RAD51B: variants seen among roughly 807,000 people sequenced by gnomAD.
RAD51B encodes DNA repair protein RAD51 homolog 2.
Under a neutral mutation model 42.2 loss-of-function variants are expected in RAD51B, and 38 were observed. The observed-to-expected ratio is 0.90, with a 90% CI of 0.70 to 1.18. The LOEUF (loss-of-function observed/expected upper bound fraction) is 1.18, where lower values mean the gene tolerates loss of function less well. Ranked by LOEUF, RAD51B falls within the 50% of genes most tolerant of loss-of-function variation. RAD51B has a pLI of 0.00. For synonymous variants in RAD51B, 154 were observed against 145.2 expected, an observed-to-expected ratio of 1.06 and a Z score of -0.43; for missense variants, 373 against 400.7, an observed-to-expected ratio of 0.93 and a Z score of 0.59.
chr14:68,154,725 G>C (rs2078464544), intron 7 of RAD51B, among the ~76,000 whole-genome samples: 1 of 149,902 alleles, frequency 6.7e-6, no homozygotes, highest in Non-Finnish European at 1.5e-5. Context: ...TCTCTTACCA[G>C]ATGTCCAGTG....
intron 8 of RAD51B, among the ~76,000 whole-genome samples, chr14:68,393,296 C>T (rs1018410865): frequency 1.3e-5 from 2 of 152,116 alleles, no homozygotes; most frequent in African/African-American, 2.4e-5. Context: ...ATAGGTATTC[C>T]GCTTCTCCAG....
At chr14:68,032,041 C>G (rs1294575556) in intron 7 of RAD51B, among the ~76,000 whole-genome samples, 3 of 83,912 alleles carry the variant, frequency 3.6e-5, no homozygotes, top group Non-Finnish European at 6.7e-5. Context: ...GGCTTTGTGT[C>G]TGATTTGACT....
intron 4 of RAD51B, among the ~76,000 whole-genome samples, chr14:67,857,360 T>C (rs1171188465): frequency 6.6e-6 from 1 of 152,214 alleles, no homozygotes; most frequent in African/African-American, 2.4e-5. Context: ...TCTCTTACTG[T>C]TATTCACATG....
In RAD51B at chr14:68,161,762, A is replaced by C. The variant is rs1451441849; in HGVS notation, c.757-130122A>C. 5.9e-5 allele frequency among the ~76,000 whole-genome samples: 9 copies of C among 152,334 alleles called. No homozygotes were observed. The East Asian group carries it at 1.5e-3, about 26-fold the overall frequency. ...CCAAATCTGCCTAAATCTAAAGCCCATCTCTTTTCTCCACACCTTGTATCC... is the reference window on the plus strand; with the variant it reads ...CCAAATCTGCCTAAATCTAAAGCCCCTCTCTTTTCTCCACACCTTGTATCC... On this transcript the variant is annotated intron_variant, in intron 7 of 10. Coordinates refer to ENST00000471583, the MANE Select transcript of RAD51B (RefSeq NM_133510.4).
At chr14:68,674,420 A>G (rs1274372813) in intron 11 of RAD51B, among the ~76,000 whole-genome samples, 1 of 152,144 alleles carries the variant, frequency 6.6e-6, no homozygotes, top group Admixed American at 6.5e-5. Flanking sequence ...TATCATACAT[A>G]TTATATGTTA....
intron 7 of RAD51B, among the ~76,000 whole-genome samples, chr14:68,269,329 T>A (rs1230048874): frequency 6.6e-6 from 1 of 152,198 alleles, no homozygotes; most frequent in African/African-American, 2.4e-5. Flanking sequence ...GGTGCCAGCC[T>A]CCAAGGCACT....
intron 7 of RAD51B, among the ~76,000 whole-genome samples, chr14:68,083,438 T>C (rs1358861800): frequency 6.6e-6 from 1 of 152,150 alleles, no homozygotes; most frequent in African/African-American, 2.4e-5. Flanking sequence ...AAAAGGAATA[T>C]TGTCACAGCA....
chr14:68,457,954 T>C (rs894422503), intron 9 of RAD51B, among the ~76,000 whole-genome samples: 9 of 142,692 alleles, frequency 6.3e-5, no homozygotes, highest in Non-Finnish European at 1.2e-4. Context: ...TAAAGTTCAC[T>C]GAAAAAAAAA....
chr14:67,927,754 G>GTATATATATAATATA (rs1477321804), intron 7 of RAD51B, among the ~76,000 whole-genome samples: 1 of 145,592 alleles, frequency 6.9e-6, no homozygotes, highest in East Asian at 1.9e-4. Flanking sequence ...TTCATTGTGT[G>GTATATATATAATATA]TGTGTATATA....
rs1348845731 is a variant in RAD51B at position 67,953,071 on chromosome 14, AGAGAACT to A, written c.756+65868_756+65874del. Among the ~76,000 whole-genome samples the A allele has an allele frequency of 2.0e-5, 3 of 152,158 alleles. No homozygotes were observed. The East Asian group carries it at 5.8e-4, about 29-fold the overall frequency. On this transcript the variant is annotated intron_variant, in intron 7 of 10. Coordinates refer to ENST00000471583, the MANE Select transcript of RAD51B (RefSeq NM_133510.4). ...CAAAATGGATATTACTTCTGTCCTC[AGAGAACT>A]TATCTAGGAAGAGGTAGAATATAAA...
rs544933848 is a variant in RAD51B, at chr14:68,355,251, A to G, written c.854-56173A>G. ...ACTCTTTGAGTTTCATAAAGAAAAC[A>G]TTAATACAAATTTTATTGAGTGGTA... On this transcript the variant is annotated intron_variant, in intron 8 of 10. Transcript: ENST00000471583. Among the ~76,000 whole-genome samples the G allele has an allele frequency of 5.2e-3, 796 of 152,348 alleles. 9 individuals are homozygous for G. The highest frequency in any genetic ancestry group is 0.018 in the African/African-American group (751 of 41,574).
At chr14:68,359,503 G>A (rs1184338790) in intron 8 of RAD51B, among the ~76,000 whole-genome samples, 1 of 152,134 alleles carries the variant, frequency 6.6e-6, no homozygotes, top group Non-Finnish European at 1.5e-5. Context: ...TTGCTTCGAG[G>A]TAGTGAGTGG....
At chr14:68,413,947 A>G (rs1340307984) in intron 9 of RAD51B, among the ~76,000 whole-genome samples, 1 of 152,002 alleles carries the variant, frequency 6.6e-6, no homozygotes, top group African/African-American at 2.4e-5. Context: ...TTTTTTTTCC[A>G]ATGCCCAAGC....
chr14:68,179,837 C>A (rs2079028199), intron 7 of RAD51B, among the ~76,000 whole-genome samples: 1 of 152,128 alleles, frequency 6.6e-6, no homozygotes, highest in Admixed American at 6.5e-5. Flanking sequence ...TTCAGGGCAT[C>A]ACACCATAGG....
chr14:68,220,572 C>CT (rs2079905098), intron 7 of RAD51B, among the ~76,000 whole-genome samples: 1 of 152,164 alleles, frequency 6.6e-6, no homozygotes. Context: ...AAGATGCCCA[C>CT]TTTCACCGCT....
intron 11 of RAD51B, among the ~76,000 whole-genome samples, chr14:68,653,679 C>G (rs1038595610): frequency 1.3e-5 from 2 of 152,198 alleles, no homozygotes; most frequent in Non-Finnish European, 2.9e-5. Context: ...AATTTGAGAA[C>G]CACTGGTCTG....
At chr14:68,119,084 AC>A (rs1005924200) in intron 7 of RAD51B, among the ~76,000 whole-genome samples, 3 of 151,542 alleles carry the variant, frequency 2.0e-5, no homozygotes, top group Non-Finnish European at 2.9e-5. Flanking sequence ...CAGTCTCCCC[AC>A]GTACAGGCAC....
intron 8 of RAD51B, among the ~76,000 whole-genome samples, chr14:68,294,625 C>A (rs915150916): frequency 6.6e-6 from 1 of 152,140 alleles, no homozygotes; most frequent in African/African-American, 2.4e-5. Context: ...TACAAGATTG[C>A]TAAAGTGTTT....
chr14:67,853,787 T>G (rs1401050817), intron 4 of RAD51B, among the ~76,000 whole-genome samples: 1 of 152,220 alleles, frequency 6.6e-6, no homozygotes, highest in Non-Finnish European at 1.5e-5. Context: ...ACTTAAAAAT[T>G]TCCTAGGTTA....
Sources: gnomAD v4.1 joint callset for allele counts (sites outside exome capture counted in the v4.1 genomes callset) on GRCh38, gnomAD v4.1.1 for gene constraint, MANE v1.5 for transcripts, NCBI Gene and HGNC (gene_info 2026-07-23, HGNC 2026-07-21) for gene names.